CCSER1: variants seen among roughly 807,000 people sequenced by gnomAD.
The protein encoded by CCSER1 is serine-rich coiled-coil domain-containing protein 1.
Under a neutral mutation model 82.0 loss-of-function variants are expected in CCSER1, and 41 were observed. That is an observed-to-expected ratio of 0.50 (90% CI 0.39 to 0.65). The LOEUF is 0.65. CCSER1 is among the 30% of genes least tolerant of loss of function. The pLI is 0.00. For missense variants in CCSER1, 1,119 were observed against 1,064.2 expected (o/e 1.05, Z -0.72); for synonymous variants, 414 against 383.9 (o/e 1.08, Z -0.92).
chr4:90,961,780 T>C (rs1157347043), intron 9 of CCSER1, among the ~76,000 whole-genome samples: 1 of 152,030 alleles, frequency 6.6e-6, no homozygotes, highest in Non-Finnish European at 1.5e-5. Flanking sequence ...GAATATAATA[T>C]TCTTAATAGG....
chr4:91,024,622 A>C (rs1354622821), intron 9 of CCSER1, among the ~76,000 whole-genome samples: 2 of 152,084 alleles, frequency 1.3e-5, no homozygotes, highest in African/African-American at 4.8e-5. Flanking sequence ...GGATTGAGAT[A>C]ATCAATCTTA....
intron 10 of CCSER1, among the ~76,000 whole-genome samples, chr4:91,513,042 C>T (rs1464357104): frequency 6.6e-6 from 1 of 151,884 alleles, no homozygotes; most frequent in African/African-American, 2.4e-5. Flanking sequence ...TGTTTTGTTC[C>T]AGTTCTCAAG....
At chr4:90,600,598 C>T (rs1783919772) in intron 5 of CCSER1, among the ~76,000 whole-genome samples, 1 of 151,896 alleles carries the variant, frequency 6.6e-6, no homozygotes, top group African/African-American at 2.4e-5. Context: ...GATTTTCTTC[C>T]AGACTCTGGC....
chr4:91,356,646 C>T (rs2149306383), intron 10 of CCSER1, among the ~76,000 whole-genome samples: 1 of 152,302 alleles, frequency 6.6e-6, no homozygotes, highest in South Asian at 2.1e-4. Flanking sequence ...AAGTCCACCA[C>T]AATACCACCA....
At chr4:91,351,626 G>A (rs1037878686) in intron 10 of CCSER1, among the ~76,000 whole-genome samples, 2 of 151,902 alleles carry the variant, frequency 1.3e-5, no homozygotes, top group Admixed American at 6.6e-5. Flanking sequence ...ATAAAATATG[G>A]GGAATATTTT....
intron 1 of CCSER1, among the ~76,000 whole-genome samples, chr4:90,166,410 A>C (rs1302164155): frequency 6.6e-6 from 1 of 152,054 alleles, no homozygotes; most frequent in African/African-American, 2.4e-5. Context: ...AGAGTAAAAA[A>C]GTAGGTACAT....
rs1553914216 is a variant in CCSER1 at position 91,225,164 on chromosome 4, A to ATT, written c.2217+139171_2217+139172insTT. 6.2e-5 allele frequency among the ~76,000 whole-genome samples: 5 copies of ATT among 81,224 alleles called. No individual in the cohort carries two copies. The East Asian group carries it at 5.2e-3, about 85-fold the overall frequency. The allele number at this position is 81,224 out of a possible 152,430, so 53.3% of individuals were successfully genotyped here. ...TGGAAACAAGAAATATGATATATAT[A>ATT]TGTGTGTGTGTATATATGTATATAA... On this transcript the variant is annotated intron_variant, in intron 10 of 10. Coordinates refer to ENST00000509176, the MANE Select transcript of CCSER1 (RefSeq NM_001145065.2).
At chr4:91,199,192 G>A (rs1185602663) in intron 10 of CCSER1, among the ~76,000 whole-genome samples, 2 of 152,094 alleles carry the variant, frequency 1.3e-5, no homozygotes, top group Non-Finnish European at 2.9e-5. Flanking sequence ...GGAAATGATG[G>A]CTTGTCACCC....
Position 90,271,890 on chromosome 4 carries a change from TA to T in CCSER1, c.-41-36350del, listed in dbSNP as rs373802428. 2.0e-4 allele frequency among the ~76,000 whole-genome samples: 14 copies of T among 70,112 alleles called. 1 individual carries two copies. The highest frequency in any genetic ancestry group is 1.6e-4 in the Non-Finnish European group (6 of 37,080). 46.0% of individuals were successfully genotyped at this position (70,112 alleles called of 152,430 possible). On this transcript the variant is annotated intron_variant, in intron 1 of 10. Coordinates refer to ENST00000509176, the MANE Select transcript of CCSER1 (RefSeq NM_001145065.2). ...TTTTTTTTTTTTTTTTTTTTTTTTT[TA>T]AAAGGAGGTTTAATTGACTCACAGT...
chr4:90,190,284 T>C (rs1735383942), intron 1 of CCSER1, among the ~76,000 whole-genome samples: 1 of 152,094 alleles, frequency 6.6e-6, no homozygotes, highest in Non-Finnish European at 1.5e-5. Flanking sequence ...ATGAAAAGTA[T>C]AATCTGCTCT....
At chr4:91,321,308 G>A (rs1242905116) in intron 10 of CCSER1, among the ~76,000 whole-genome samples, 1 of 152,040 alleles carries the variant, frequency 6.6e-6, no homozygotes, top group African/African-American at 2.4e-5. Context: ...ATGAATGAGA[G>A]AGGACCTATA....
At chr4:90,762,545 C>T (rs1750567915) in intron 7 of CCSER1, among the ~76,000 whole-genome samples, 2 of 152,098 alleles carry the variant, frequency 1.3e-5, no homozygotes, top group Non-Finnish European at 2.9e-5. Context: ...CTTGCACTAC[C>T]AACCAAAACA....
At chr4:90,553,162 G>A (rs768424989) in intron 5 of CCSER1, among the ~76,000 whole-genome samples, 2 of 151,932 alleles carry the variant, frequency 1.3e-5, no homozygotes, top group African/African-American at 2.4e-5. Context: ...TAGTAGAGAC[G>A]GGGTTTCACC....
intron 3 of CCSER1, among the ~76,000 whole-genome samples, chr4:90,374,863 CA>C (rs143209414): frequency 6.6e-6 from 1 of 151,910 alleles, no homozygotes; most frequent in African/African-American, 2.4e-5. Flanking sequence ...CTTTTATTAC[CA>C]AAAAAACCCC....
At chr4:91,133,863 G>T (rs1219890459) in intron 10 of CCSER1, among the ~76,000 whole-genome samples, 1 of 152,154 alleles carries the variant, frequency 6.6e-6, no homozygotes, top group Non-Finnish European at 1.5e-5. Flanking sequence ...CCCTTTGGGA[G>T]GCCGAGGCAG....
At chr4:90,958,576 T>A (rs1302066676) in intron 9 of CCSER1, among the ~76,000 whole-genome samples, 8 of 152,242 alleles carry the variant, frequency 5.3e-5, no homozygotes, top group Non-Finnish European at 1.0e-4. Context: ...GTGTGATGGC[T>A]GCAGCCCACT....
chr4:91,431,021 G>C (rs1754267090), intron 10 of CCSER1, among the ~76,000 whole-genome samples: 1 of 152,176 alleles, frequency 6.6e-6, no homozygotes, highest in African/African-American at 2.4e-5. Flanking sequence ...CGGATAACGA[G>C]GTCAGGAGTT....
At chr4:90,386,243 C>A (rs1001273989) in intron 3 of CCSER1, among the ~76,000 whole-genome samples, 30 of 152,296 alleles carry the variant, frequency 2.0e-4, no homozygotes, top group African/African-American at 7.2e-4. Flanking sequence ...CATCGCATTA[C>A]CTTCCTTCAA....
intron 3 of CCSER1, among the ~76,000 whole-genome samples, chr4:90,352,958 G>A (rs994363161): frequency 9.9e-5 from 15 of 150,816 alleles, no homozygotes; most frequent in Non-Finnish European, 1.9e-4. Flanking sequence ...AGTATTGATA[G>A]CCTGCAATAT....
Sources: gnomAD v4.1 joint callset for allele counts (sites outside exome capture counted in the v4.1 genomes callset) on GRCh38, gnomAD v4.1.1 for gene constraint, MANE v1.5 for transcripts, NCBI Gene and HGNC (gene_info 2026-07-23, HGNC 2026-07-21) for gene names.